PLSCR2: variants seen among roughly 807,000 people sequenced by gnomAD.
PLSCR2 encodes PL scramblase 2.
PLSCR2 carries 18 observed loss-of-function variants against 25.3 expected under a neutral mutation model. That is an observed-to-expected ratio of 0.71 (90% confidence interval 0.49 to 1.06). The LOEUF (loss-of-function observed/expected upper bound fraction) is 1.06, where lower values mean the gene tolerates loss of function less well. Among genes scored for constraint, PLSCR2 ranks in the 50% least tolerant of loss-of-function variants. The pLI, the probability that PLSCR2 is intolerant of heterozygous loss-of-function variation, is 0.00. For synonymous variants in PLSCR2, 88 were observed against 87.3 expected (o/e 1.01, Z -0.04); for missense variants, 243 against 269.5 (o/e 0.90, Z 0.69).
chr3:146,484,484 A>G (rs1269708520), intron 1 of PLSCR2, among the ~76,000 whole-genome samples: 3 of 152,076 alleles, frequency 2.0e-5, no homozygotes, highest in African/African-American at 7.2e-5. Flanking sequence ...AAGACAAATA[A>G]TCGTCAGATT....
chr3:146,446,487 T>C (rs13088225), intron 6 of PLSCR2, among the ~76,000 whole-genome samples: 87,055 of 151,888 alleles, frequency 0.57, 25,434 homozygotes, highest in South Asian at 0.76. Flanking sequence ...GACTCTTGTT[T>C]TCTTCCCTGA....
intron 1 of PLSCR2, among the ~76,000 whole-genome samples, chr3:146,483,645 A>T (rs537147371): frequency 8.6e-5 from 13 of 151,102 alleles, no homozygotes; most frequent in Non-Finnish European, 1.3e-4. Context: ...AACCCAGGTG[A>T]ATAGGGCCTG....
At position 146,469,575 on chromosome 3, in the gene PLSCR2, C is replaced by T. The variant is rs2042026893; in HGVS notation, c.-292-9291G>A. ...TTCCTCCCGTCTGCCCCGTGACTGC[C>T]AGGCACACCTGTTGCACAGCCCTCC... is the stretch of plus-strand genomic sequence containing the variant. On this transcript the variant is annotated intron_variant, in intron 1 of 8. Transcript: ENST00000336685. The T allele has an allele frequency of 1.0e-6, 1 of 985,354 alleles. No homozygotes were observed. Among genetic ancestry groups the T allele is most frequent in the Admixed American group, 6.1e-5 (1 of 16,276 alleles). The allele number at this position is 985,354 out of a possible 1,614,324, so 61.0% of individuals were successfully genotyped here. A position where few individuals can be genotyped will look rare whatever the true frequency, so the allele number is the denominator to read the frequency against.
At chr3:146,444,631 C>T (rs145416833) in intron 6 of PLSCR2, among the ~76,000 whole-genome samples, 86 of 151,714 alleles carry the variant, frequency 5.7e-4, no homozygotes, top group African/African-American at 1.9e-3. Flanking sequence ...TATTTTCAGT[C>T]TATGCGTGTC....
chr3:146,399,537 A>AT (rs2038387819), intron 2 of PLSCR2, among the ~76,000 whole-genome samples: 1 of 151,852 alleles, frequency 6.6e-6, no homozygotes, highest in South Asian at 2.1e-4. Context: ...AATACATAAG[A>AT]AACTTGTAAT....
intron 2 of PLSCR2, among the ~76,000 whole-genome samples, chr3:146,411,592 C>T (rs2038853228): frequency 1.3e-5 from 2 of 152,346 alleles, no homozygotes; most frequent in Admixed American, 1.3e-4. Flanking sequence ...TAATATCTCA[C>T]TGGGGCCCCC....
rs1306075479 is a variant in PLSCR2 at position 146,455,451 on chromosome 3, T to G, written c.109A>C (p.Ser37Arg). ...TCATACATGTTACTACTTTCAAAAC[T>G]GAATAGAACTAAAAATGAAAATAAA... Residue 37 changes from serine to arginine, a missense_variant, in exon 4 of 7, where the codon AGT becomes CGT. Ser to Arg is a moderately radical substitution (Grantham distance 110). Transcript: ENST00000610787. The G allele has an allele frequency of 5.0e-6, 8 of 1,588,768 alleles. No individual in the cohort carries two copies. In the East Asian group the frequency reaches 1.8e-4, roughly 36 times the overall value.
At chr3:146,490,929 T>G (rs1368690249) in intron 1 of PLSCR2, among the ~76,000 whole-genome samples, 4 of 152,116 alleles carry the variant, frequency 2.6e-5, no homozygotes, top group African/African-American at 9.7e-5. Flanking sequence ...ATTGTATAGT[T>G]GCTTTATAGT....
chr3:146,449,311 C>T, exon 6 of PLSCR2: 1 of 1,611,092 alleles, frequency 6.2e-7, no homozygotes, highest in Non-Finnish European at 8.5e-7. Context: ...CTCTTAAAAA[C>T]CCAGACCAGT....
chr3:146,476,092 G>A (rs928690263), intron 1 of PLSCR2, among the ~76,000 whole-genome samples: 2 of 151,814 alleles, frequency 1.3e-5, no homozygotes, highest in African/African-American at 2.4e-5. Flanking sequence ...GGGGCGCCGG[G>A]GGGTGCACTG....
At chr3:146,473,511 G>A (rs530285566) in intron 1 of PLSCR2, among the ~76,000 whole-genome samples, 95 of 151,958 alleles carry the variant, frequency 6.3e-4, no homozygotes, top group African/African-American at 2.2e-3. Context: ...TCGCCATGTT[G>A]GTCAGGCTGG....
intron 1 of PLSCR2, among the ~76,000 whole-genome samples, chr3:146,490,706 T>G (rs1483596126): frequency 1.3e-5 from 2 of 152,138 alleles, no homozygotes; most frequent in Non-Finnish European, 2.9e-5. Context: ...TTAATAGATA[T>G]TTCTCCATCC....
At chr3:146,450,120 C>T (rs2040811435) in intron 5 of PLSCR2, among the ~76,000 whole-genome samples, 1 of 152,178 alleles carries the variant, frequency 6.6e-6, no homozygotes, top group African/African-American at 2.4e-5. Context: ...CAGACAAAAA[C>T]ACCTCACCAG....
At chr3:146,393,308 G>C (rs574202912) in intron 3 of PLSCR2, among the ~76,000 whole-genome samples, 3 of 151,604 alleles carry the variant, frequency 2.0e-5, no homozygotes, top group African/African-American at 7.3e-5. Context: ...GATTACAGGC[G>C]TGAGCCACCG....
intron 2 of PLSCR2, among the ~76,000 whole-genome samples, chr3:146,410,092 T>TA (rs1435171153): frequency 6.6e-6 from 1 of 151,134 alleles, no homozygotes; most frequent in African/African-American, 2.4e-5. Context: ...AATTCAGCTT[T>TA]TTTTTTTTAA....
downstream of PLSCR2, among the ~76,000 whole-genome samples, chr3:146,439,407 T>C (rs888529603): frequency 3.9e-5 from 6 of 152,242 alleles, no homozygotes; most frequent in Admixed American, 3.3e-4. Context: ...CACTTTCAGG[T>C]ACACCAATCA....
chr3:146,394,624 T>C (rs1220583521), intron 3 of PLSCR2, among the ~76,000 whole-genome samples: 1 of 152,246 alleles, frequency 6.6e-6, no homozygotes, highest in African/African-American at 2.4e-5. Context: ...AATAATGTCA[T>C]TTTGTTAAAT....
intron 1 of PLSCR2, among the ~76,000 whole-genome samples, chr3:146,481,221 A>C (rs546656406): frequency 6.6e-6 from 1 of 152,228 alleles, no homozygotes; most frequent in Non-Finnish European, 1.5e-5. Flanking sequence ...TAGTGTTGGA[A>C]GTTCTGGCCA....
chr3:146,472,581 G>A (rs542019516), intron 1 of PLSCR2, among the ~76,000 whole-genome samples: 22 of 152,250 alleles, frequency 1.4e-4, no homozygotes, highest in African/African-American at 4.8e-4. Context: ...TGGAAGGGAC[G>A]AGGGATCTCT....
Sources: gnomAD v4.1 joint callset for allele counts (sites outside exome capture counted in the v4.1 genomes callset) on GRCh38, gnomAD v4.1.1 for gene constraint, MANE v1.5 for transcripts, NCBI Gene and HGNC (gene_info 2026-07-23, HGNC 2026-07-21) for gene names.